Variants in NIPAL2 observed in about 807,000 individuals in gnomAD.
NIPAL2 encodes NIPA-like protein 2.
In NIPAL2, 43 loss-of-function variants were observed where a neutral mutation model predicts 48.9. The observed-to-expected ratio is 0.88, with a 90% CI of 0.69 to 1.13. The LOEUF (loss-of-function observed/expected upper bound fraction) is 1.13. NIPAL2 is among the 50% of genes most tolerant of loss of function. NIPAL2 has a pLI of 0.00. For synonymous variants in NIPAL2, 167 were observed against 174.6 expected (o/e 0.96, Z 0.34); for missense variants, 446 against 461.4 (o/e 0.97, Z 0.31).
intron 3 of NIPAL2, among the ~76,000 whole-genome samples, chr8:98,239,376 G>A (rs1419521814): frequency 2.0e-5 from 3 of 152,128 alleles, no homozygotes; most frequent in African/African-American, 7.2e-5. Context: ...CTTGAAGTAA[G>A]AAAACACATC....
chr8:98,221,252 G>A (rs4734394), intron 5 of NIPAL2, among the ~76,000 whole-genome samples: 97,285 of 151,540 alleles, frequency 0.64, 32,745 homozygotes, highest in South Asian at 0.76. Context: ...CTGGGATTAC[G>A]GGCGTGAGCC....
intron 1 of NIPAL2, among the ~76,000 whole-genome samples, chr8:98,290,619 G>A (rs2130924937): frequency 6.6e-6 from 1 of 152,282 alleles, no homozygotes; most frequent in East Asian, 1.9e-4. Context: ...ACTTGTCCAA[G>A]TATGCTAGTT....
intron 1 of NIPAL2, among the ~76,000 whole-genome samples, chr8:98,276,102 C>A (rs569717139): frequency 3.3e-5 from 5 of 152,136 alleles, no homozygotes; most frequent in African/African-American, 9.7e-5. Flanking sequence ...ATCATCATCA[C>A]CCAAAGTTCA....
At chr8:98,214,229 C>A (rs1325966620) in intron 5 of NIPAL2, among the ~76,000 whole-genome samples, 2 of 151,102 alleles carry the variant, frequency 1.3e-5, no homozygotes, top group Non-Finnish European at 2.9e-5. Flanking sequence ...AATGGCACAA[C>A]CTCAGATCAC....
At chr8:98,228,927 C>T (rs1233534575) in intron 4 of NIPAL2, among the ~76,000 whole-genome samples, 2 of 152,162 alleles carry the variant, frequency 1.3e-5, no homozygotes, top group African/African-American at 4.8e-5. Context: ...GCATAACTAA[C>T]AGACATAACA....
intron 1 of NIPAL2, among the ~76,000 whole-genome samples, chr8:98,280,343 T>G (rs557325248): frequency 1.3e-5 from 2 of 152,302 alleles, no homozygotes; most frequent in Admixed American, 1.3e-4. Flanking sequence ...GAATAACGCT[T>G]TGTATGCAAC....
chr8:98,268,442 G>A (rs1814907825), intron 1 of NIPAL2, among the ~76,000 whole-genome samples: 1 of 151,944 alleles, frequency 6.6e-6, no homozygotes, highest in South Asian at 2.1e-4. Flanking sequence ...CCAACATGGT[G>A]AAACCCCATC....
At chr8:98,252,799 T>C (rs1006984931) in intron 2 of NIPAL2, among the ~76,000 whole-genome samples, 165 bp from the exon 3 acceptor site, 39 of 152,188 alleles carry the variant, frequency 2.6e-4, no homozygotes, top group Admixed American at 2.0e-3. Context: ...AAAATTATAT[T>C]AGGTCATTTT....
intron 7 of NIPAL2, among the ~76,000 whole-genome samples, chr8:98,203,846 C>CTG (rs143170810): frequency 0.29 from 43,197 of 146,698 alleles, 6,970 homozygotes; most frequent in South Asian, 0.49. Flanking sequence ...TGGGTAGAGC[C>CTG]TGTGTGTGTG....
Position 98,193,068 on chromosome 8 carries a change from T to C in NIPAL2, c.1062A>G (p.Ile354Met), listed in dbSNP as rs201098369. Reference sequence around the variant, plus strand: ...AGGATAAGCTATGTGAATCTGGTTGTATTTTGTCCAACATTTGTTTCCCTG... The same window carrying C: ...AGGATAAGCTATGTGAATCTGGTTGCATTTTGTCCAACATTTGTTTCCCTG... ...NIPGKQMLDK[I>M]QPDSHSLSYG... Residue 354 changes from isoleucine to methionine, a missense_variant, in exon 11 of 11, where the codon ATA (isoleucine) becomes ATG (methionine). Coordinates refer to ENST00000430223, the MANE Select transcript of NIPAL2 (RefSeq NM_001321635.2). 6.9e-5 allele frequency: 111 copies of C among 1,613,922 alleles called. 1 individual carries two copies. The Admixed American group carries it at 1.8e-3, about 26-fold the overall frequency.
rs756774222 is a variant in NIPAL2 at position 98,194,803 on chromosome 8, C to G, written c.964G>C (p.Gly322Arg). Reference protein sequence around the residue: ...YLFGCFLSFLGVFLVTRNREK... With the variant: ...YLFGCFLSFLRVFLVTRNREK... ...CGATTTCTTGTGACCAAAAATACAC[C>G]AAGGAATGACAGAAAACACCTGTAA... The change falls in exon 10 of 11, where the codon GGT (glycine) becomes CGT (arginine). Residue 322 changes from glycine (G) to arginine (R), a missense_variant. By Grantham distance (125) the Gly-to-Arg change is moderately radical. Transcript: ENST00000430223. 2 of 1,563,194 alleles carry G rather than the reference C, an allele frequency of 1.3e-6. No homozygotes were observed. Among genetic ancestry groups the G allele is most frequent in the Non-Finnish European group, 8.6e-7 (1 of 1,158,414 alleles).
At chr8:98,212,825 T>C (rs1233844668) in intron 5 of NIPAL2, among the ~76,000 whole-genome samples, 2 of 152,152 alleles carry the variant, frequency 1.3e-5, no homozygotes, top group African/African-American at 4.8e-5. Context: ...CACCTCCCAC[T>C]AGATTCCCTA....
At chr8:98,235,987 C>T (rs72664827) in intron 4 of NIPAL2, among the ~76,000 whole-genome samples, 168 bp downstream of exon 4, 12,244 of 151,948 alleles carry the variant, frequency 0.081, 560 homozygotes, top group East Asian at 0.1. Context: ...GTATTTTATG[C>T]GAGAAGAGAT....
At chr8:98,218,284 G>T (rs576066045) in intron 5 of NIPAL2, among the ~76,000 whole-genome samples, 2 of 152,298 alleles carry the variant, frequency 1.3e-5, no homozygotes, top group South Asian at 4.1e-4. Flanking sequence ...AAGGCTTCAA[G>T]TCTGGACTAT....
chr8:98,216,656 T>C (rs954703565), intron 5 of NIPAL2, among the ~76,000 whole-genome samples: 3 of 151,030 alleles, frequency 2.0e-5, no homozygotes, highest in African/African-American at 7.2e-5. Flanking sequence ...CATCTGCTGA[T>C]TTAATTTTTT....
At chr8:98,195,807 T>A in intron 9 of NIPAL2, 135 bp downstream of exon 9, 1 of 602,608 alleles carries the variant, frequency 1.7e-6, no homozygotes, top group Non-Finnish European at 2.9e-6. Context: ...TTAAAAAATA[T>A]GTTTCTTTTA....
Position 98,198,021 on chromosome 8 carries a change from G to A in NIPAL2, c.881-2016C>T, listed in dbSNP as rs2447490. 3.1e-4 allele frequency among the ~76,000 whole-genome samples: 47 copies of A among 152,206 alleles called. 1 individual carries two copies. In the East Asian group the frequency reaches 5.2e-3, roughly 17 times the overall value. Reference sequence around the variant, plus strand: ...TCAATTTACTTTGCTAAGATCAATCGGCAGAATCATTATCTATGACAGCTA... The same window carrying A: ...TCAATTTACTTTGCTAAGATCAATCAGCAGAATCATTATCTATGACAGCTA... On this transcript the variant is annotated intron_variant, in intron 8 of 10. Coordinates refer to ENST00000430223, the MANE Select transcript of NIPAL2 (RefSeq NM_001321635.2).
chr8:98,284,009 G>T (rs942924469), intron 1 of NIPAL2, among the ~76,000 whole-genome samples: 2 of 152,064 alleles, frequency 1.3e-5, no homozygotes, highest in African/African-American at 4.8e-5. Flanking sequence ...TGTGACTTGG[G>T]CTCTTCACAA....
chr8:98,260,927 G>A (rs1814279294), intron 1 of NIPAL2, among the ~76,000 whole-genome samples: 1 of 152,036 alleles, frequency 6.6e-6, no homozygotes, highest in Non-Finnish European at 1.5e-5. Context: ...CGCAGCTGGA[G>A]ATCTGAGAAC....
Sources: gnomAD v4.1 joint callset for allele counts (sites outside exome capture counted in the v4.1 genomes callset) on GRCh38, gnomAD v4.1.1 for gene constraint, MANE v1.5 for transcripts, NCBI Gene and HGNC (gene_info 2026-07-23, HGNC 2026-07-21) for gene names.